Variants in GLIPR1L2 observed in about 807,000 individuals in gnomAD.
The protein encoded by GLIPR1L2 is GLIPR1-like protein 2.
In GLIPR1L2, 21 loss-of-function variants were observed where a neutral mutation model predicts 28.4. The observed-to-expected ratio is 0.74, with a 90% CI of 0.52 to 1.06. The LOEUF is 1.06. Among genes scored for constraint, GLIPR1L2 ranks in the 50% least tolerant of loss-of-function variants. GLIPR1L2 has a pLI of 0.00. For synonymous variants in GLIPR1L2, 145 were observed against 139.3 expected (o/e 1.04, Z -0.29); for missense variants, 476 against 416.9 (o/e 1.14, Z -1.23).
rs1304434612 is a variant in GLIPR1L2 at position 75,413,636 on chromosome 12, T to C, written c.519T>C (p.Val173=). Residue 173 remains valine (V), a synonymous_variant, in exon 3 of 6, where the codon GTT becomes GTC. Coordinates refer to ENST00000550916, the MANE Select transcript of GLIPR1L2 (RefSeq NM_001270396.2). ...ACTCTTACAAAGTTGGTTGTGCTGT[T>C]ACTCCATGTTCAAAAATTGGACATA... ...WDHSYKVGCA[V]TPCSKIGHII... 6.4e-7 allele frequency: 1 copy of C among 1,569,036 alleles called. No homozygotes were observed. The highest frequency in any genetic ancestry group is 1.4e-5 in the African/African-American group (1 of 72,550).
At chr12:75,391,560 A>G (rs1288769537) in intron 1 of GLIPR1L2, 5 of 1,511,722 alleles carry the variant, frequency 3.3e-6, no homozygotes, top group African/African-American at 2.8e-5. Context: ...ACACAGGGCC[A>G]GGACTAAGGT....
chr12:75,391,584 G>C lies in GLIPR1L2; in HGVS notation c.234+234G>C, dbSNP rs547279067. On this transcript the variant is annotated intron_variant, in intron 1 of 5. Transcript: ENST00000550916. ...CAGGACTAAGGTGATGGAGGCACTG[G>C]CCTGAAGTGCAGATTTTAAGGGGGC... The C allele has an allele frequency of 1.6e-5, 22 of 1,416,430 alleles. No individual in the cohort carries two copies. In the East Asian group the frequency reaches 5.1e-4, roughly 33 times the overall value. The allele number at this position is 1,416,430 out of a possible 1,614,324, so 87.7% of individuals were successfully genotyped here. A position where few individuals can be genotyped will look rare whatever the true frequency, so the allele number is the denominator to read the frequency against.
At chr12:75,394,156 G>T (rs1178782506) in intron 1 of GLIPR1L2, among the ~76,000 whole-genome samples, 1 of 151,900 alleles carries the variant, frequency 6.6e-6, no homozygotes, top group Non-Finnish European at 1.5e-5. Context: ...ATAGATTCTG[G>T]ATATTAATCT....
At chr12:75,410,734 T>C in intron 2 of GLIPR1L2, 55 bp downstream of exon 2, 1 of 1,300,940 alleles carries the variant, frequency 7.7e-7, no homozygotes, top group Non-Finnish European at 1.1e-6. Context: ...GATTTATGCC[T>C]GGTTTTATTA....
chr12:75,427,942 T>C (rs2046051041), intron 4 of GLIPR1L2, among the ~76,000 whole-genome samples: 1 of 152,188 alleles, frequency 6.6e-6, no homozygotes, highest in Admixed American at 6.5e-5. Context: ...AATTATCCAG[T>C]CTCAGGTAGT....
At chr12:75,417,727 A>G (rs1256158219) in intron 3 of GLIPR1L2, among the ~76,000 whole-genome samples, 1 of 152,182 alleles carries the variant, frequency 6.6e-6, no homozygotes, top group Non-Finnish European at 1.5e-5. Context: ...CTAATCTACA[A>G]AGATATCTGT....
At chr12:75,403,212 T>C (rs1328519504) in intron 1 of GLIPR1L2, 2 of 435,524 alleles carry the variant, frequency 4.6e-6, no homozygotes, top group South Asian at 3.2e-5. Context: ...GGATAGATTT[T>C]TTGATTTTTA....
intron 3 of GLIPR1L2, among the ~76,000 whole-genome samples, chr12:75,418,378 C>T (rs550860009): frequency 2.6e-5 from 4 of 152,198 alleles, no homozygotes; most frequent in South Asian, 4.2e-4. Context: ...AGTGAATTTA[C>T]TTACAATTTG....
chr12:75,420,452 C>T (rs2045965843), intron 3 of GLIPR1L2, among the ~76,000 whole-genome samples: 1 of 152,196 alleles, frequency 6.6e-6, no homozygotes, highest in African/African-American at 2.4e-5. Context: ...GCCCAGGTAA[C>T]ATGTCCTTAT....
chr12:75,419,994 C>A (rs985236176), intron 3 of GLIPR1L2, among the ~76,000 whole-genome samples: 1 of 152,128 alleles, frequency 6.6e-6, no homozygotes, highest in Non-Finnish European at 1.5e-5. Flanking sequence ...ATAGATTCTT[C>A]TTGGAAAAAA....
chr12:75,430,926 G>A lies in GLIPR1L2; in HGVS notation c.800G>A (p.Cys267Tyr), dbSNP rs2046085566. The A allele has an allele frequency of 2.0e-6, 3 of 1,535,416 alleles. No homozygotes were observed. The South Asian group carries it at 3.6e-5, about 18-fold the overall frequency. Residue 267 changes from cysteine (C) to tyrosine (Y), a missense_variant, in exon 6 of 6, where the codon TGT (cysteine) becomes TAT (tyrosine). Transcript: ENST00000550916. ...LLLRILCFILCVITVLIVQSQ... is the reference protein window; with the variant it reads ...LLLRILCFILYVITVLIVQSQ... ...TTGAGAATATTATGTTTTATCCTGT[G>A]TGTCATAACTGTTTTGATAGTACAG...
intron 1 of GLIPR1L2, among the ~76,000 whole-genome samples, chr12:75,401,703 C>CA (rs1213876275): frequency 6.6e-6 from 1 of 151,818 alleles, no homozygotes; most frequent in African/African-American, 2.4e-5. Flanking sequence ...CTAGAAAGAA[C>CA]AAAAAATGTT....
intron 4 of GLIPR1L2, among the ~76,000 whole-genome samples, chr12:75,426,190 A>T (rs955902213): frequency 7.9e-5 from 12 of 152,364 alleles, no homozygotes; most frequent in East Asian, 3.9e-4. Context: ...CACAGTAGAC[A>T]TAGACTAGTA....
chr12:75,427,391 A>G (rs1023307971), intron 4 of GLIPR1L2, among the ~76,000 whole-genome samples: 2 of 152,240 alleles, frequency 1.3e-5, no homozygotes, highest in African/African-American at 4.8e-5. Context: ...AAAATCTAAT[A>G]TAGAAATCAT....
At position 75,422,913 on chromosome 12, in the gene GLIPR1L2, G is replaced by A. The variant is rs1158373064; in HGVS notation, c.594G>A (p.Leu198=). The change falls in exon 4 of 6, where the codon CTG becomes CTA. Residue 198 remains leucine, a synonymous_variant. Transcript: ENST00000550916. ...GCTTTTTTGTTTGTAGAGGAACACT[G>A]ACGAGAAGACCTTATGAACCAGGAA... is the stretch of plus-strand genomic sequence containing the variant. ...FICNYAPGGT[L]TRRPYEPGIF... is the part of the protein sequence containing the mutation. 3.1e-6 allele frequency: 5 copies of A among 1,607,458 alleles called. No homozygotes were observed. The highest frequency in any genetic ancestry group is 4.2e-6 in the Non-Finnish European group (5 of 1,178,296).
At chr12:75,405,455 G>A (rs1390011209) in intron 1 of GLIPR1L2, among the ~76,000 whole-genome samples, 1 of 152,184 alleles carries the variant, frequency 6.6e-6, no homozygotes, top group Non-Finnish European at 1.5e-5. Flanking sequence ...GCCACCCTGA[G>A]CTTCCACAGC....
chr12:75,398,769 T>C (rs1422136559), intron 1 of GLIPR1L2, among the ~76,000 whole-genome samples: 1 of 152,210 alleles, frequency 6.6e-6, no homozygotes, highest in Non-Finnish European at 1.5e-5. Flanking sequence ...GTTAACATTT[T>C]CTAACAGCCA....
intron 3 of GLIPR1L2, among the ~76,000 whole-genome samples, chr12:75,421,344 T>G (rs534787991): frequency 4.2e-4 from 64 of 152,354 alleles, no homozygotes; most frequent in African/African-American, 1.5e-3. Flanking sequence ...CTGATAGACT[T>G]GAATGCTTAC....
intron 4 of GLIPR1L2, among the ~76,000 whole-genome samples, chr12:75,428,178 G>A (rs1375487653): frequency 6.6e-6 from 1 of 152,182 alleles, no homozygotes; most frequent in Non-Finnish European, 1.5e-5. Flanking sequence ...TAGTGATATG[G>A]ACAATGAAAT....
Sources: allele counts gnomAD v4.1 joint callset (sites outside exome capture counted in the v4.1 genomes callset), GRCh38; gene constraint gnomAD v4.1.1; transcripts MANE v1.5; gene names NCBI Gene and HGNC (gene_info 2026-07-23, HGNC 2026-07-21).